Variants in C12orf56 observed in about 807,000 individuals in gnomAD.
The protein encoded by C12orf56 is uncharacterized protein C12orf56.
Under a neutral mutation model 69.9 loss-of-function variants are expected in C12orf56, and 71 were observed. The observed-to-expected ratio is 1.02, with a 90% CI of 0.84 to 1.24. The LOEUF (loss-of-function observed/expected upper bound fraction) is 1.24, where lower values mean the gene tolerates loss of function less well. Ranked by LOEUF, C12orf56 falls within the 50% of genes most tolerant of loss-of-function variation. The pLI, the probability that C12orf56 is intolerant of heterozygous loss-of-function variation, is 0.00. For synonymous variants in C12orf56, 276 were observed against 274.1 expected (o/e 1.01, Z -0.07); for missense variants, 732 against 738.5 (o/e 0.99, Z 0.10).
In C12orf56 at chr12:64,264,884, C is replaced by T. The variant is rs2037904440; in HGVS notation, c.*2299G>A. Reference sequence around the variant, plus strand: ...TGACAAATATTCAACCATTAACTCTCCAAAAAACCACTGACTTTAGCCCCA... The same window carrying T: ...TGACAAATATTCAACCATTAACTCTTCAAAAAACCACTGACTTTAGCCCCA... On this transcript the variant is annotated 3_prime_UTR_variant, in exon 13 of 13. Transcript: ENST00000543942. The T allele has an allele frequency of 1.3e-5, 2 of 152,136 alleles. No homozygotes were observed. The highest frequency in any genetic ancestry group is 4.8e-5 in the African/African-American group (2 of 41,430). The allele number at this position is 152,136 out of a possible 1,614,324, so 9.4% of individuals were successfully genotyped here.
At chr12:64,301,263 T>G (rs1187676990) in intron 6 of C12orf56, among the ~76,000 whole-genome samples, 1 of 152,132 alleles carries the variant, frequency 6.6e-6, no homozygotes, top group Admixed American at 6.6e-5. Context: ...GGCTGGGATG[T>G]AACAAAAACC....
chr12:64,390,687 G>T lies in C12orf56; in HGVS notation c.-122C>A. On this transcript the variant is annotated 5_prime_UTR_variant, in exon 1 of 13. Transcript: ENST00000543942. ...CGGCCACGCGTCGCCTCCTCTCCAG[G>T]CGCGGGGACCCGGGCCGCAACTGCA... 2 of 1,328,862 alleles carry T rather than the reference G, an allele frequency of 1.5e-6. No individual in the cohort carries two copies. The highest frequency in any genetic ancestry group is 3.6e-5 in the South Asian group (2 of 56,210). 82.3% of individuals were successfully genotyped at this position (1,328,862 alleles called of 1,614,324 possible).
Position 64,270,678 on chromosome 12 carries a change from TCACCACTTGTTTCACA to T in C12orf56, c.1605_1620del (p.Val536GlyfsTer10). The stretch of plus-strand genomic sequence containing the variant: ...AGCTGAAATGAAGCTGAAAGACCCC[TCACCACTTGTTTCACA>T]ATACTGGCCACAAAAGTAATCTAGA... On this transcript the variant is annotated frameshift_variant, in exon 12 of 13. Coordinates refer to ENST00000543942, the MANE Select transcript of C12orf56 (RefSeq NM_001170633.2). LOFTEE classifies it high-confidence loss of function. 6.2e-7 allele frequency: 1 copy of T among 1,612,698 alleles called. No individual in the cohort carries two copies. The highest frequency in any genetic ancestry group is 1.1e-5 in the South Asian group (1 of 90,778).
chr12:64,310,802 T>A (rs1305254009), intron 5 of C12orf56, among the ~76,000 whole-genome samples: 2 of 152,080 alleles, frequency 1.3e-5, no homozygotes, highest in Non-Finnish European at 2.9e-5. Flanking sequence ...ATGTGCCATG[T>A]TGGTGTGCTG....
Position 64,366,894 on chromosome 12 carries a change from T to C in C12orf56, c.253-13838A>G, listed in dbSNP as rs1201247794. Among the ~76,000 whole-genome samples, 46 of 126,372 alleles carry C rather than the reference T, an allele frequency of 3.6e-4. 2 individuals carry two copies. Among genetic ancestry groups the C allele is most frequent in the African/African-American group, 1.4e-3 (43 of 31,158 alleles). 82.9% of individuals were successfully genotyped at this position (126,372 alleles called of 152,430 possible). A position where few individuals can be genotyped will look rare whatever the true frequency, so the allele number is the denominator to read the frequency against. ...TACAGTTTATATATATTATATAACA[T>C]ACAGTTTATATATTATATATAACAC... On this transcript the variant is annotated intron_variant, in intron 1 of 12. Coordinates refer to ENST00000543942, the MANE Select transcript of C12orf56 (RefSeq NM_001170633.2).
Position 64,277,709 on chromosome 12 carries a change from C to T in C12orf56, c.1405G>A (p.Ala469Thr). 2 of 1,592,988 alleles carry T rather than the reference C, an allele frequency of 1.3e-6. No homozygotes were observed. The highest frequency in any genetic ancestry group is 1.7e-6 in the Non-Finnish European group (2 of 1,168,240). ...GCGTCAAAAGACATTCTGACTAAAG[C>T]TGAATCAGCCACCAACTGGATATCA... Reference protein sequence around the residue: ...VFDIQLVADSALVRMSFDAEL... With the variant: ...VFDIQLVADSTLVRMSFDAEL... The change falls in exon 9 of 13, where the codon GCT (alanine) becomes ACT (threonine). Residue 469 changes from alanine to threonine, a missense_variant. Physicochemically the swap from Ala to Thr is moderately conservative, Grantham distance 58. Coordinates refer to ENST00000543942, the MANE Select transcript of C12orf56 (RefSeq NM_001170633.2).
intron 5 of C12orf56, 112 bp from the exon 6 acceptor site, chr12:64,303,891 A>G: frequency 8.2e-7 from 1 of 1,224,408 alleles, no homozygotes; most frequent in Non-Finnish European, 1.1e-6. Flanking sequence ...TGGGATTTTA[A>G]TATAGTTTTA....
chr12:64,339,956 G>A (rs537803309), intron 2 of C12orf56, among the ~76,000 whole-genome samples: 12 of 152,040 alleles, frequency 7.9e-5, no homozygotes, highest in African/African-American at 2.9e-4. Flanking sequence ...GTATATATAT[G>A]ATAACTTCCA....
chr12:64,311,117 A>G (rs1026100973), intron 5 of C12orf56, among the ~76,000 whole-genome samples: 31 of 151,990 alleles, frequency 2.0e-4, no homozygotes, highest in Non-Finnish European at 4.3e-4. Context: ...CCAGTCTATC[A>G]TTGTTGGACA....
intron 2 of C12orf56, among the ~76,000 whole-genome samples, chr12:64,336,216 G>C (rs1056366165): frequency 6.6e-6 from 1 of 152,162 alleles, no homozygotes; most frequent in Admixed American, 6.6e-5. Flanking sequence ...TAATGTAGCT[G>C]GGGCTCCTTG....
At chr12:64,357,828 A>G (rs1268757913) in intron 1 of C12orf56, among the ~76,000 whole-genome samples, 1 of 151,852 alleles carries the variant, frequency 6.6e-6, no homozygotes. Context: ...TTGAACCTGG[A>G]GACAGAGGCT....
At chr12:64,283,829 C>T (rs2038163594) in intron 8 of C12orf56, among the ~76,000 whole-genome samples, 2 of 151,876 alleles carry the variant, frequency 1.3e-5, no homozygotes, top group South Asian at 4.2e-4. Context: ...TGTTTGAAAG[C>T]CTGAATATTT....
Position 64,360,006 on chromosome 12 carries a change from C to T in C12orf56, c.253-6950G>A, listed in dbSNP as rs182239465. Among the ~76,000 whole-genome samples, 856 of 152,138 alleles carry T rather than the reference C, an allele frequency of 5.6e-3. 13 individuals are homozygous for T. Among genetic ancestry groups the T allele is most frequent in the African/African-American group, 0.02 (811 of 41,528 alleles). On this transcript the variant is annotated intron_variant, in intron 1 of 12. Transcript: ENST00000543942. ...CTGGGATTACAGGAGTGAGCCACTG[C>T]GTCCAGCGAAAAGAATTTCTTTAAA...
chr12:64,329,963 C>T (rs992124011), intron 3 of C12orf56, among the ~76,000 whole-genome samples: 2 of 151,844 alleles, frequency 1.3e-5, no homozygotes, highest in Non-Finnish European at 2.9e-5. Context: ...TCTTTGCTAT[C>T]GTGAATAATG....
At chr12:64,360,316 T>C (rs2039382884) in intron 1 of C12orf56, among the ~76,000 whole-genome samples, 1 of 152,036 alleles carries the variant, frequency 6.6e-6, no homozygotes, top group African/African-American at 2.4e-5. Flanking sequence ...TCCCAGCTAC[T>C]CGGGAGGCTG....
At chr12:64,294,595 A>G (rs1365130963) in intron 6 of C12orf56, among the ~76,000 whole-genome samples, 1 of 152,200 alleles carries the variant, frequency 6.6e-6, no homozygotes, top group Non-Finnish European at 1.5e-5. Flanking sequence ...GTACTATATC[A>G]TTCCAACTAT....
intron 3 of C12orf56, among the ~76,000 whole-genome samples, chr12:64,327,750 A>C (rs1486187673): frequency 1.3e-5 from 2 of 152,246 alleles, no homozygotes; most frequent in African/African-American, 4.8e-5. Context: ...TTGCCATGCT[A>C]AATAGAACAC....
At chr12:64,358,462 G>GTAATAATAATAATAATAA (rs1307361496) in intron 1 of C12orf56, among the ~76,000 whole-genome samples, 1 of 128,074 alleles carries the variant, frequency 7.8e-6, no homozygotes, top group African/African-American at 3.0e-5. Context: ...CATCTCAAAA[G>GTAATAATAATAATAATAA]TAATAATAAT....
intron 6 of C12orf56, 43 bp downstream of exon 6, chr12:64,303,592 G>T: frequency 7.1e-7 from 1 of 1,409,890 alleles, no homozygotes; most frequent in Non-Finnish European, 9.5e-7. Context: ...TGGTAAACAG[G>T]AAACACAAAC....
Sources: gnomAD v4.1 joint callset for allele counts (sites outside exome capture counted in the v4.1 genomes callset) on GRCh38, gnomAD v4.1.1 for gene constraint, MANE v1.5 for transcripts, NCBI Gene and HGNC (gene_info 2026-07-23, HGNC 2026-07-21) for gene names.